The following GLI2 variants were observed in gnomAD, a reference collection of about 807,000 sequenced individuals.
GLI2 encodes the protein transcription activator GLI2.
A neutral mutation model predicts 78.9 loss-of-function variants in GLI2; 22 were observed. That is an observed-to-expected ratio of 0.28 (90% CI 0.20 to 0.40). The LOEUF is 0.40. Ranked by LOEUF, GLI2 falls within the 10% of genes least tolerant of loss-of-function variation. The pLI is 1.00. For missense variants in GLI2, 2,097 were observed against 2,213.2 expected, an observed-to-expected ratio of 0.95 and a Z score of 1.05; for synonymous variants, 974 against 963.7, an observed-to-expected ratio of 1.01 and a Z score of -0.20.
At chr2:120,746,893 T>G (rs1176906674) in intron 1 of GLI2, among the ~76,000 whole-genome samples, 1 of 152,246 alleles carries the variant, frequency 6.6e-6, no homozygotes, top group African/African-American at 2.4e-5. Flanking sequence ...TATTTAACAT[T>G]ATATCATGGA....
At chr2:120,924,448 T>C (rs1355635696) in intron 2 of GLI2, among the ~76,000 whole-genome samples, 14 of 151,926 alleles carry the variant, frequency 9.2e-5, no homozygotes, top group Non-Finnish European at 2.1e-4. Context: ...AGGCCATGAA[T>C]CATTCTTGGC....
Position 120,988,886 on chromosome 2 carries a change from A to T in GLI2, c.2921A>T (p.His974Leu). The T allele has an allele frequency of 6.6e-7, 1 of 1,505,362 alleles. No homozygotes were observed. Among genetic ancestry groups the T allele is most frequent in the East Asian group, 2.7e-5 (1 of 37,494 alleles). The allele number at this position is 1,505,362 out of a possible 1,614,324, so 93.3% of individuals were successfully genotyped here. ...LPRVQRFHST[H>L]NVNPGPLPPC... The stretch of plus-strand genomic sequence containing the variant: ...CGGGTGCAGCGCTTCCACAGCACCC[A>T]CAACGTGAACCCCGGCCCGCTGCCG... The change falls in exon 14 of 14, where the codon CAC becomes CTC. Residue 974 changes from histidine to leucine, a missense_variant. By Grantham distance (99) the His-to-Leu change is moderately conservative. Transcript: ENST00000361492.
intron 10 of GLI2, 132 bp from the exon 11 acceptor site, chr2:120,982,584 C>A: frequency 2.8e-6 from 2 of 714,366 alleles, no homozygotes; most frequent in Non-Finnish European, 2.4e-6. Context: ...AAAGTAATAT[C>A]CTTAAAATGC....
intron 1 of GLI2, among the ~76,000 whole-genome samples, chr2:120,767,904 G>A (rs558704896): frequency 6.6e-6 from 1 of 152,298 alleles, no homozygotes; most frequent in South Asian, 2.1e-4. Context: ...TCTAGGAAGT[G>A]CAGGCCCCTG....
intron 2 of GLI2, among the ~76,000 whole-genome samples, chr2:120,834,730 C>T (rs889930531): frequency 6.6e-6 from 1 of 152,138 alleles, no homozygotes; most frequent in Non-Finnish European, 1.5e-5. Flanking sequence ...TTCTTTTGCA[C>T]CTGGTTTCAG....
chr2:120,745,900 T>G (rs1020735850), intron 1 of GLI2, among the ~76,000 whole-genome samples: 4 of 152,194 alleles, frequency 2.6e-5, no homozygotes, highest in African/African-American at 7.2e-5. Flanking sequence ...TACAGTAGAT[T>G]GCAGGCTCTT....
At chr2:120,885,423 C>T (rs978604096) in intron 2 of GLI2, among the ~76,000 whole-genome samples, 3 of 152,192 alleles carry the variant, frequency 2.0e-5, no homozygotes, top group South Asian at 2.1e-4. Flanking sequence ...GGCTGCCTTC[C>T]GAGGGTGGCT....
At chr2:120,889,138 C>T (rs1191862752) in intron 2 of GLI2, among the ~76,000 whole-genome samples, 1 of 152,248 alleles carries the variant, frequency 6.6e-6, no homozygotes, top group Non-Finnish European at 1.5e-5. Flanking sequence ...GCCATAGTCT[C>T]CTCTTTTAGC....
Position 120,972,030 on chromosome 2 carries a change from C to T in GLI2, c.1149C>T (p.Gly383=), listed in dbSNP as rs1280954272. The part of the protein sequence containing the change: ...KRSKVKTEPE[G]LRPASPLALT... ...GCAAGGTCAAGACCGAGCCTGAGGG[C>T]CTGCGGCCGGCCTCCCCTCTGGCGC... Residue 383 remains glycine, a synonymous_variant, in exon 8 of 14, where the codon GGC becomes GGT. Coordinates refer to ENST00000361492, the MANE Select transcript of GLI2 (RefSeq NM_001374353.1). 10 of 1,613,424 alleles carry T rather than the reference C, an allele frequency of 6.2e-6. No homozygotes were observed. Among genetic ancestry groups the T allele is most frequent in the Non-Finnish European group, 8.5e-6 (10 of 1,179,946 alleles).
chr2:120,920,923 G>T (rs1193955102), intron 2 of GLI2, among the ~76,000 whole-genome samples: 1 of 143,506 alleles, frequency 7.0e-6, no homozygotes, highest in Admixed American at 7.0e-5. Context: ...AAACACAAAA[G>T]CCAACAATGA....
intron 2 of GLI2, among the ~76,000 whole-genome samples, chr2:120,920,863 G>A (rs1381911162): frequency 6.9e-6 from 1 of 145,766 alleles, no homozygotes; most frequent in Non-Finnish European, 1.5e-5. Flanking sequence ...CCCTCTGCCG[G>A]AAGGACATGA....
Position 120,972,654 on chromosome 2 carries a change from T to C in GLI2, c.1182+591T>C, listed in dbSNP as rs771588925. Reference sequence around the variant, plus strand: ...GGGAGAAGTGCCTGACTGGGTTCCATGCCACCAGGGTTTGTGCAAGTGTGC... The same window carrying C: ...GGGAGAAGTGCCTGACTGGGTTCCACGCCACCAGGGTTTGTGCAAGTGTGC... On this transcript the variant is annotated intron_variant, in intron 8 of 13. Coordinates refer to ENST00000361492, the MANE Select transcript of GLI2 (RefSeq NM_001374353.1). 5.8e-6 allele frequency: 3 copies of C among 518,860 alleles called. No homozygotes were observed. The Admixed American group carries it at 5.8e-5, about 10-fold the overall frequency. 32.1% of individuals were successfully genotyped at this position (518,860 alleles called of 1,614,324 possible). A position where few individuals can be genotyped will look rare whatever the true frequency, so the allele number is the denominator to read the frequency against.
intron 2 of GLI2, among the ~76,000 whole-genome samples, chr2:120,842,154 A>C (rs958786212): frequency 1.1e-4 from 17 of 151,076 alleles, no homozygotes; most frequent in African/African-American, 4.1e-4. Context: ...ATGGTGAAAA[A>C]TCTCCCTCTC....
chr2:120,902,685 G>A (rs1678327174), intron 2 of GLI2, among the ~76,000 whole-genome samples: 1 of 152,202 alleles, frequency 6.6e-6, no homozygotes, highest in Admixed American at 6.5e-5. Flanking sequence ...CCCCTCGCCG[G>A]GTCCCTCCTG....
At chr2:120,746,366 G>GT (rs1682693333) in intron 1 of GLI2, among the ~76,000 whole-genome samples, 2 of 152,152 alleles carry the variant, frequency 1.3e-5, no homozygotes, top group African/African-American at 4.8e-5. Context: ...TGGAGCACCT[G>GT]TGTCCACCTC....
At chr2:120,921,463 G>A (rs1249051359) in intron 2 of GLI2, among the ~76,000 whole-genome samples, 1 of 152,148 alleles carries the variant, frequency 6.6e-6, no homozygotes, top group Non-Finnish European at 1.5e-5. Flanking sequence ...GCCTTGGGGT[G>A]TCACTGGCTG....
chr2:120,960,841 C>T (rs1681518041), intron 5 of GLI2, among the ~76,000 whole-genome samples: 1 of 152,214 alleles, frequency 6.6e-6, no homozygotes, highest in Non-Finnish European at 1.5e-5. Flanking sequence ...GATGAAAACC[C>T]ACCCTCCCTG....
intron 2 of GLI2, among the ~76,000 whole-genome samples, chr2:120,855,365 G>A (rs1408613583): frequency 6.6e-6 from 1 of 152,192 alleles, no homozygotes; most frequent in Non-Finnish European, 1.5e-5. Flanking sequence ...TGGTTGGTCA[G>A]GTGGCTTCAC....
chr2:120,971,978 T>A lies in GLI2; in HGVS notation c.1097T>A (p.Val366Asp). ...QSSESAVSSTVNPVAIHKRSK... is the reference protein window; with the variant it reads ...QSSESAVSSTDNPVAIHKRSK... ...AGTGAGTCGGCCGTCAGCAGCACCG[T>A]CAACCCTGTCGCCATTCACAAGCGC... Residue 366 changes from valine (V) to aspartate (D), a missense_variant, in exon 8 of 14, where the codon GTC becomes GAC. By Grantham distance (152) the Val-to-Asp change is radical. Coordinates refer to ENST00000361492, the MANE Select transcript of GLI2 (RefSeq NM_001374353.1). 1 of 1,613,678 alleles carries A rather than the reference T, an allele frequency of 6.2e-7. No individual in the cohort carries two copies. The highest frequency in any genetic ancestry group is 8.5e-7 in the Non-Finnish European group (1 of 1,179,888).
Sources: allele counts gnomAD v4.1 joint callset (sites outside exome capture counted in the v4.1 genomes callset), GRCh38; gene constraint gnomAD v4.1.1; transcripts MANE v1.5; gene names NCBI Gene and HGNC (gene_info 2026-07-23, HGNC 2026-07-21).